CCDC93: variants seen among roughly 807,000 people sequenced by gnomAD.
CCDC93 encodes CCC complex scaffolding subunit CCDC93, also known as coiled-coil domain-containing protein 93.
Under a neutral mutation model 108.2 loss-of-function variants are expected in CCDC93, and 61 were observed. That is an observed-to-expected ratio of 0.56 (90% CI 0.46 to 0.70). The LOEUF (loss-of-function observed/expected upper bound fraction) is 0.70, where lower values mean the gene tolerates loss of function less well. CCDC93 is among the 30% of genes least tolerant of loss of function. CCDC93 has a pLI of 0.00. For synonymous variants in CCDC93, 276 were observed against 260.4 expected (o/e 1.06, Z -0.58); for missense variants, 685 against 764.2 (o/e 0.90, Z 1.22).
At position 117,975,224 on chromosome 2, in the gene CCDC93, A is replaced by G; in HGVS notation, c.714T>C (p.Asp238=). The change falls in exon 9 of 24, where the codon GAT becomes GAC. Residue 238 remains aspartate, a synonymous_variant. Transcript: ENST00000376300. ...CTCGAAGCTCATCTTCCTCGTGGGC[A>G]TCAGCTTTTTCTGTAGCTGACAGCC... is the stretch of plus-strand genomic sequence containing the variant. ...PAGLSATEKA[D]AHEEDELRAA... 6.2e-7 allele frequency: 1 copy of G among 1,613,978 alleles called. No individual in the cohort carries two copies. The highest frequency in any genetic ancestry group is 1.1e-5 in the South Asian group (1 of 91,084).
At chr2:118,008,866 G>A (rs367596797) in intron 1 of CCDC93, 30 of 534,354 alleles carry the variant, frequency 5.6e-5, no homozygotes, top group African/African-American at 3.8e-4. Flanking sequence ...GGTCCTCAAC[G>A]GGCTGTTAAT....
rs1677709656 is a variant in CCDC93, at chr2:117,917,077, A to C, written c.*3266T>G. The C allele has an allele frequency of 6.6e-6, 1 of 152,394 alleles. No individual in the cohort carries two copies. Among genetic ancestry groups the C allele is most frequent in the South Asian group, 2.1e-4 (1 of 4,834 alleles). 9.4% of individuals were successfully genotyped at this position (152,394 alleles called of 1,614,324 possible). On this transcript the variant is annotated 3_prime_UTR_variant, in exon 24 of 24. Transcript: ENST00000376300. ...ATGCATGTTTCAACATCTGCACTTCAGAACAAGTGGTCAGGCTCAAAGTAA... is the reference window on the plus strand; with the variant it reads ...ATGCATGTTTCAACATCTGCACTTCCGAACAAGTGGTCAGGCTCAAAGTAA...
chr2:117,938,815 A>G (rs772729764), intron 20 of CCDC93, among the ~76,000 whole-genome samples: 17 of 152,130 alleles, frequency 1.1e-4, no homozygotes, highest in Non-Finnish European at 2.2e-4. Context: ...GCACTCTAGA[A>G]TGGCTGTCTA....
chr2:117,965,153 C>T (rs1679519742), intron 11 of CCDC93, among the ~76,000 whole-genome samples: 1 of 151,926 alleles, frequency 6.6e-6, no homozygotes, highest in Non-Finnish European at 1.5e-5. Context: ...GATTTTAGAC[C>T]CCCAAACCCT....
intron 3 of CCDC93, among the ~76,000 whole-genome samples, chr2:118,006,223 C>T (rs1246603616): frequency 6.6e-6 from 1 of 152,104 alleles, no homozygotes; most frequent in Non-Finnish European, 1.5e-5. Context: ...GAACTGAGGC[C>T]CACAGAAGGA....
At chr2:117,943,461 G>A (rs1356668336) in intron 18 of CCDC93, among the ~76,000 whole-genome samples, 1 of 152,186 alleles carries the variant, frequency 6.6e-6, no homozygotes, top group East Asian at 1.9e-4. Context: ...GTAGGTGCCA[G>A]AGAGAGGGGA....
intron 11 of CCDC93, among the ~76,000 whole-genome samples, chr2:117,972,608 A>AT (rs34350545): frequency 0.3 from 44,125 of 145,278 alleles, 6,772 homozygotes; most frequent in Middle Eastern, 0.41. Context: ...TCCAGTTGTC[A>AT]TTTTTTTTTT....
At chr2:117,963,397 TC>T (rs1391411233) in intron 11 of CCDC93, among the ~76,000 whole-genome samples, 1 of 152,228 alleles carries the variant, frequency 6.6e-6, no homozygotes, top group Non-Finnish European at 1.5e-5. Context: ...CTGACACCTT[TC>T]ACCACCTTGG....
chr2:117,999,113 T>C (rs888035275), intron 4 of CCDC93: 2 of 152,200 alleles, frequency 1.3e-5, no homozygotes, highest in African/African-American at 4.8e-5. Context: ...GTAGGTGCTA[T>C]TATTTATTTC....
At chr2:117,924,085 AAACT>A (rs1351328263) in intron 23 of CCDC93, among the ~76,000 whole-genome samples, 1 of 152,248 alleles carries the variant, frequency 6.6e-6, no homozygotes, top group Non-Finnish European at 1.5e-5. Context: ...GTTAGAAGGA[AAACT>A]AACAAACAGA....
intron 23 of CCDC93, among the ~76,000 whole-genome samples, chr2:117,924,943 C>T (rs1191200534): frequency 1.3e-5 from 2 of 152,224 alleles, no homozygotes; most frequent in Admixed American, 6.5e-5. Flanking sequence ...AGAAACTCTA[C>T]AAGCCAGAAG....
chr2:117,990,815 A>C (rs919456815), intron 6 of CCDC93, among the ~76,000 whole-genome samples: 7 of 152,062 alleles, frequency 4.6e-5, no homozygotes, highest in Non-Finnish European at 8.8e-5. Flanking sequence ...ATATAGTACA[A>C]TGCCATTTTT....
intron 11 of CCDC93, among the ~76,000 whole-genome samples, chr2:117,966,478 A>T (rs957897324): frequency 2.0e-5 from 3 of 152,264 alleles, no homozygotes; most frequent in African/African-American, 4.8e-5. Flanking sequence ...CCTTTTGCTT[A>T]TAGCAACATG....
rs543969686 is a variant in CCDC93, at chr2:118,002,289, T to C, written c.252-1357A>G. ...TCAATAATCCTTCCAAGGAGACAGA[T>C]ACCCTCAAGATGAACATCTGACTCA... is the stretch of plus-strand genomic sequence containing the variant. On this transcript the variant is annotated intron_variant, in intron 3 of 23. Coordinates refer to ENST00000376300, the MANE Select transcript of CCDC93 (RefSeq NM_019044.5). Among the ~76,000 whole-genome samples the C allele has an allele frequency of 4.6e-5, 7 of 152,296 alleles. No homozygotes were observed. The South Asian group carries it at 1.4e-3, about 32-fold the overall frequency.
At chr2:117,958,343 C>T in intron 12 of CCDC93, 22 bp downstream of exon 12, 1 of 1,441,302 alleles carries the variant, frequency 6.9e-7, no homozygotes, top group Non-Finnish European at 9.8e-7. Context: ...CTTGAATAAA[C>T]TTACGAAAAG....
In CCDC93 at chr2:117,927,233, C is replaced by T. The variant is rs575643265; in HGVS notation, c.1842+3804G>A. ...ACAAGACAGGGATTCCCTCTCTCAC[C>T]ACTCCTATTCAACATAGTGTTGGAA... On this transcript the variant is annotated intron_variant, in intron 23 of 23. Coordinates refer to ENST00000376300, the MANE Select transcript of CCDC93 (RefSeq NM_019044.5). Among the ~76,000 whole-genome samples, 12 of 152,222 alleles carry T rather than the reference C, an allele frequency of 7.9e-5. No homozygotes were observed. The East Asian group carries it at 2.3e-3, about 29-fold the overall frequency.
chr2:117,975,202 G>C lies in CCDC93; in HGVS notation c.736C>G (p.Arg246Gly). 2 of 1,613,684 alleles carry C rather than the reference G, an allele frequency of 1.2e-6. No individual in the cohort carries two copies. The highest frequency in any genetic ancestry group is 8.5e-7 in the Non-Finnish European group (1 of 1,179,798). The change falls in exon 9 of 24, where the codon CGA becomes GGA. Residue 246 changes from arginine (R) to glycine (G), a missense_variant. Coordinates refer to ENST00000376300, the MANE Select transcript of CCDC93 (RefSeq NM_019044.5). ...KADAHEEDEL[R>G]AAEEQRIQSL... ...GGACCACACACCTCTTCAGCTGCTCGAAGCTCATCTTCCTCGTGGGCATCA... is the reference window on the plus strand; with the variant it reads ...GGACCACACACCTCTTCAGCTGCTCCAAGCTCATCTTCCTCGTGGGCATCA...
At chr2:117,995,249 C>G in intron 6 of CCDC93, 197 bp downstream of exon 6, 1 of 583,560 alleles carries the variant, frequency 1.7e-6, no homozygotes, top group South Asian at 2.1e-5. Flanking sequence ...AGTAGTGTGG[C>G]AGGTTCTCCC....
At chr2:117,961,132 C>T (rs536109860) in intron 11 of CCDC93, among the ~76,000 whole-genome samples, 2 of 152,118 alleles carry the variant, frequency 1.3e-5, no homozygotes, top group South Asian at 4.2e-4. Flanking sequence ...CACCAACTGG[C>T]CAGCCATCGT....
Sources: allele counts gnomAD v4.1 joint callset (sites outside exome capture counted in the v4.1 genomes callset), GRCh38; gene constraint gnomAD v4.1.1; transcripts MANE v1.5; gene names NCBI Gene and HGNC (gene_info 2026-07-23, HGNC 2026-07-21).